The following AMOTL2 variants were observed in gnomAD, a reference collection of about 807,000 sequenced individuals.
The protein encoded by AMOTL2 is angiomotin like 2, also known as angiomotin-like protein 2.
In AMOTL2, 33 loss-of-function variants were observed where a neutral mutation model predicts 78.4. That is an observed-to-expected ratio of 0.42 (90% CI 0.32 to 0.56). AMOTL2 has a LOEUF of 0.56. Among genes scored for constraint, AMOTL2 ranks in the 20% least tolerant of loss-of-function variants. The pLI is 0.12. For missense variants in AMOTL2, 983 were observed against 1,030.1 expected, an observed-to-expected ratio of 0.95 and a Z score of 0.63; for synonymous variants, 422 against 428.8, an observed-to-expected ratio of 0.98 and a Z score of 0.20.
intron 1 of AMOTL2, chr3:134,373,609 A>C: frequency 1.0e-6 from 1 of 985,436 alleles, no homozygotes; most frequent in Non-Finnish European, 1.2e-6. Flanking sequence ...TCGCCTAAGG[A>C]ACCAAAGACA....
rs1301192484 is a variant in AMOTL2, at chr3:134,367,721, G to T, written c.817C>A (p.Pro273Thr). Residue 273 changes from proline to threonine, a missense_variant, in exon 3 of 10, where the codon CCT becomes ACT. Transcript: ENST00000249883. ...QYLQQSQEHP[P>T]PPHPAALGHG... ...CCGAGAGCAGCTGGATGTGGGGGAG[G>T]GGGGTGCTCCTGAGATTGCTGCAGG... 12 of 1,613,756 alleles carry T rather than the reference G, an allele frequency of 7.4e-6. No homozygotes were observed. Among genetic ancestry groups the T allele is most frequent in the African/African-American group, 2.7e-5 (2 of 75,038 alleles).
At position 134,359,473 on chromosome 3, in the gene AMOTL2, C is replaced by T; in HGVS notation, c.1914G>A (p.Glu638=). ...GAAGGACCTTGATCACTGCATCCTT[C>T]TCCAGGATCTGGGCATGGAGCACCT... ...RLKVLHAQIL[E]KDAVIKVLQQ... is the part of the protein sequence containing the mutation. Residue 638 remains glutamate, a synonymous_variant, in exon 8 of 10, where the codon GAG becomes GAA. Coordinates refer to ENST00000249883, the MANE Select transcript of AMOTL2 (RefSeq NM_016201.4). 6.2e-7 allele frequency: 1 copy of T among 1,614,014 alleles called. No homozygotes were observed. The highest frequency in any genetic ancestry group is 8.5e-7 in the Non-Finnish European group (1 of 1,179,990).
intron 2 of AMOTL2, among the ~76,000 whole-genome samples, chr3:134,370,011 C>A (rs538581517): frequency 5.1e-4 from 78 of 152,348 alleles, no homozygotes; most frequent in African/African-American, 1.8e-3. Flanking sequence ...AACCAAATCA[C>A]ATCCCCTGAG....
intron 3 of AMOTL2, among the ~76,000 whole-genome samples, chr3:134,367,196 G>A (rs773203481): frequency 2.0e-5 from 3 of 152,182 alleles, no homozygotes; most frequent in Non-Finnish European, 4.4e-5. Context: ...GGGAGGGGGT[G>A]TGTGCAGGGC....
rs1190653653 is a variant in AMOTL2 at position 134,371,364 on chromosome 3, T to C, written c.70A>G (p.Asn24Asp). The C allele has an allele frequency of 1.2e-6, 2 of 1,610,182 alleles. No individual in the cohort carries two copies. Among genetic ancestry groups the C allele is most frequent in the Non-Finnish European group, 1.7e-6 (2 of 1,179,998 alleles). Residue 24 changes from asparagine to aspartate, a missense_variant, in exon 2 of 10, where the codon AAC becomes GAC. Transcript: ENST00000249883. ...RLIQEQLRYG[N>D]LTETRTLLAI... The stretch of plus-strand genomic sequence containing the variant: ...AGCAGCGTGCGCGTCTCAGTCAGGT[T>C]GCCGTAGCGCAGCTGCTCCTGGATG...
chr3:134,360,224 T>C lies in AMOTL2; in HGVS notation c.1765A>G (p.Thr589Ala), dbSNP rs753620282. 20 of 1,613,946 alleles carry C rather than the reference T, an allele frequency of 1.2e-5. No individual in the cohort carries two copies. In the East Asian group the frequency reaches 2.9e-4, roughly 23 times the overall value. The change falls in exon 7 of 10, where the codon ACG becomes GCG. Residue 589 changes from threonine (T) to alanine (A), a missense_variant. Coordinates refer to ENST00000249883, the MANE Select transcript of AMOTL2 (RefSeq NM_016201.4). Reference sequence around the variant, plus strand: ...GTGGTGTCACGCTGAGCAGCAGCCGTGGCAGCCGCATCCATGGCAAACTGC... The same window carrying C: ...GTGGTGTCACGCTGAGCAGCAGCCGCGGCAGCCGCATCCATGGCAAACTGC... ...MRQFAMDAAA[T>A]AAAQRDTTLI...
chr3:134,360,472 T>C, intron 6 of AMOTL2, 59 bp from the exon 7 acceptor site: 2 of 1,460,826 alleles, frequency 1.4e-6, no homozygotes, highest in Non-Finnish European at 1.9e-6. Context: ...TGGCAGCCAC[T>C]GGTCTTCGCC....
Position 134,355,568 on chromosome 3 carries a change from A to G in AMOTL2, c.*2137T>C, listed in dbSNP as rs2017048010. Among the ~76,000 whole-genome samples the G allele has an allele frequency of 6.6e-6, 1 of 152,172 alleles. No homozygotes were observed. The highest frequency in any genetic ancestry group is 1.5e-5 in the Non-Finnish European group (1 of 68,038). ...GGGGGAAGGATAAAGCCATCTTTGG[A>G]CACCCACTCCCACTGTGGATAACCA... On this transcript the variant is annotated 3_prime_UTR_variant, in exon 10 of 10. Transcript: ENST00000249883.
At position 134,371,215 on chromosome 3, in the gene AMOTL2, C is replaced by G; in HGVS notation, c.219G>C (p.Glu73Asp). The change falls in exon 2 of 10, where the codon GAG becomes GAC. Residue 73 changes from glutamate to aspartate, a missense_variant. Glu to Asp is a conservative substitution (Grantham distance 45). Coordinates refer to ENST00000249883, the MANE Select transcript of AMOTL2 (RefSeq NM_016201.4). The stretch of plus-strand genomic sequence containing the variant: ...CGCCCTGGTGCTCCTGGCCCTGGGG[C>G]TCCTGCCTGGTGGCCTGCTGCAGCA... ...SQVLQQATRQ[E>D]PQGQEHQGGE... is the part of the protein sequence containing the mutation. 1.2e-6 allele frequency: 2 copies of G among 1,613,532 alleles called. No individual in the cohort carries two copies. The highest frequency in any genetic ancestry group is 1.1e-5 in the South Asian group (1 of 91,064).
rs372900931 is a variant in AMOTL2, at chr3:134,359,304, C to T, written c.2083G>A (p.Ala695Thr). 7.4e-5 allele frequency: 119 copies of T among 1,614,070 alleles called. No individual in the cohort carries two copies. The highest frequency in any genetic ancestry group is 9.5e-5 in the Non-Finnish European group (112 of 1,180,034). Residue 695 changes from alanine to threonine, a missense_variant, in exon 8 of 10, where the codon GCC becomes ACC. Ala to Thr is a moderately conservative substitution (Grantham distance 58). Coordinates refer to ENST00000249883, the MANE Select transcript of AMOTL2 (RefSeq NM_016201.4). ...TTACCTGTAGTCAGCCGAGCAGGGG[C>T]GTCTGCTGTTTGTCGCTCACTAGAA... is the stretch of plus-strand genomic sequence containing the variant. ...LSSSERQTAD[A>T]PARLTTADRA...
Position 134,365,827 on chromosome 3 carries a change from C to T in AMOTL2, c.1269G>A (p.Leu423=). The change falls in exon 5 of 10, where the codon CTG becomes CTA. Residue 423 remains leucine (L), a synonymous_variant. Coordinates refer to ENST00000249883, the MANE Select transcript of AMOTL2 (RefSeq NM_016201.4). ...QAGSQDMVAK[L]LAQSYEQQQE... is the part of the protein sequence containing the mutation. ...GGGGCCCCTACTCACTCTGAGCAAG[C>T]AGCTTGGCCACCATGTCCTGACTGC... 6.2e-7 allele frequency: 1 copy of T among 1,614,042 alleles called. No individual in the cohort carries two copies. The highest frequency in any genetic ancestry group is 8.5e-7 in the Non-Finnish European group (1 of 1,179,994).
At position 134,360,948 on chromosome 3, in the gene AMOTL2, C is replaced by T. The variant is rs550152248; in HGVS notation, c.1576-535G>A. On this transcript the variant is annotated intron_variant, in intron 6 of 9. Transcript: ENST00000249883. ...CAGCACTTTGGGAGGCCAAGGTCGG[C>T]GGACCACGTGAGGTCAGGGGTTCAA... Among the ~76,000 whole-genome samples the T allele has an allele frequency of 3.3e-4, 51 of 152,252 alleles. 1 individual carries two copies. The highest frequency in any genetic ancestry group is 1.7e-3 in the South Asian group (8 of 4,826).
intron 1 of AMOTL2, 35 bp from the exon 2 acceptor site, chr3:134,371,529 A>G: frequency 6.4e-7 from 1 of 1,565,442 alleles, no homozygotes; most frequent in Non-Finnish European, 8.6e-7. Context: ...AGAGAAAAGC[A>G]ATCAGTGGGA....
chr3:134,374,466 G>A (rs934953194), upstream of AMOTL2: 8 of 985,440 alleles, frequency 8.1e-6, no homozygotes, highest in Non-Finnish European at 8.4e-6. Flanking sequence ...GCGCCCCAGC[G>A]CGCAGCCCCA....
In AMOTL2 at chr3:134,374,411, G is replaced by A. The variant is rs2018009795; in HGVS notation, c.-131C>T. 2 of 985,248 alleles carry A rather than the reference G, an allele frequency of 2.0e-6. No individual in the cohort carries two copies. Among genetic ancestry groups the A allele is most frequent in the Non-Finnish European group, 2.4e-6 (2 of 829,896 alleles). The allele number at this position is 985,248 out of a possible 1,614,324, so 61.0% of individuals were successfully genotyped here. A position where few individuals can be genotyped will look rare whatever the true frequency, so the allele number is the denominator to read the frequency against. On this transcript the variant is annotated 5_prime_UTR_variant, in exon 1 of 10. Coordinates refer to ENST00000249883, the MANE Select transcript of AMOTL2 (RefSeq NM_016201.4). ...CCGGCTCGGCCCAGCTCAGCTCGGC[G>A]GCGAAGATGTGTTCTCGGCCGTGGC...
At chr3:134,367,343 A>G (rs535883737) in intron 3 of AMOTL2, among the ~76,000 whole-genome samples, 154 bp downstream of exon 3, 2 of 152,306 alleles carry the variant, frequency 1.3e-5, no homozygotes, top group African/African-American at 2.4e-5. Flanking sequence ...AGGAGGGTGC[A>G]TGAGGAGTGA....
At position 134,371,291 on chromosome 3, in the gene AMOTL2, G is replaced by C; in HGVS notation, c.143C>G (p.Thr48Arg). The change falls in exon 2 of 10, where the codon ACA becomes AGA. Residue 48 changes from threonine (T) to arginine (R), a missense_variant. Physicochemically the swap from Thr to Arg is moderately conservative, Grantham distance 71. Coordinates refer to ENST00000249883, the MANE Select transcript of AMOTL2 (RefSeq NM_016201.4). Reference protein sequence around the residue: ...ALRGGAGTGGTGSPQASLEIL... With the variant: ...ALRGGAGTGGRGSPQASLEIL... ...CTCCAGGGAGGCCTGGGGGCTCCCT[G>C]TACCCCCAGTTCCAGCCCCACCCCT... 1 of 1,612,314 alleles carries C rather than the reference G, an allele frequency of 6.2e-7. No individual in the cohort carries two copies. Among genetic ancestry groups the C allele is most frequent in the Non-Finnish European group, 8.5e-7 (1 of 1,179,984 alleles).
Position 134,371,377 on chromosome 3 carries a change from C to G in AMOTL2, c.57G>C (p.Gln19His), listed in dbSNP as rs1423717176. Residue 19 changes from glutamine (Q) to histidine (H), a missense_variant, in exon 2 of 10, where the codon CAG (glutamine) becomes CAC (histidine). Transcript: ENST00000249883. Reference protein sequence around the residue: ...GTVLHRLIQEQLRYGNLTETR... With the variant: ...GTVLHRLIQEHLRYGNLTETR... ...TCTCAGTCAGGTTGCCGTAGCGCAG[C>G]TGCTCCTGGATGAGGCGGTGCAGGA... The G allele has an allele frequency of 6.2e-7, 1 of 1,608,966 alleles. No homozygotes were observed. The highest frequency in any genetic ancestry group is 8.5e-7 in the Non-Finnish European group (1 of 1,180,004).
intron 5 of AMOTL2, among the ~76,000 whole-genome samples, chr3:134,363,271 C>A (rs948334884): frequency 1.3e-5 from 2 of 152,038 alleles, no homozygotes; most frequent in Non-Finnish European, 2.9e-5. Context: ...AAGGCTGAGC[C>A]CAGGATGGTA....
Sources: gnomAD v4.1 joint callset for allele counts (sites outside exome capture counted in the v4.1 genomes callset) on GRCh38, gnomAD v4.1.1 for gene constraint, MANE v1.5 for transcripts, NCBI Gene and HGNC (gene_info 2026-07-23, HGNC 2026-07-21) for gene names.